The following KCNG3 variants were observed in gnomAD, a reference collection of about 807,000 sequenced individuals.
KCNG3 encodes voltage-gated potassium channel regulatory subunit KCNG3.
KCNG3 carries 15 observed loss-of-function variants against 29.0 expected under a neutral mutation model. The observed-to-expected ratio is 0.52, with a 90% CI of 0.35 to 0.80. KCNG3 has a LOEUF of 0.80. Among genes scored for constraint, KCNG3 ranks in the 30% least tolerant of loss-of-function variants. The pLI, the probability that KCNG3 is intolerant of heterozygous loss-of-function variation, is 0.01. For missense variants in KCNG3, 512 were observed against 605.7 expected (o/e 0.85, Z 1.62); for synonymous variants, 322 against 248.9 (o/e 1.29, Z -2.76).
the KCNG3 span, among the ~76,000 whole-genome samples, chr2:42,429,069 A>C: frequency 1.3e-5 from 2 of 152,252 alleles, no homozygotes; most frequent in South Asian, 4.2e-4. Context: ...CGGTGAGCCA[A>C]GATCATGCCA....
chr2:42,492,780 C>G, intron 1 of KCNG3, 57 bp downstream of exon 1: 1 of 1,371,688 alleles, frequency 7.3e-7, no homozygotes. Flanking sequence ...GACGTATGGA[C>G]GGGACGGACA....
chr2:42,485,822 G>A (rs1282607121), intron 1 of KCNG3, among the ~76,000 whole-genome samples: 1 of 152,146 alleles, frequency 6.6e-6, no homozygotes, highest in Non-Finnish European at 1.5e-5. Context: ...CCTTGGAAGT[G>A]TCAGAATAAT....
In KCNG3 at chr2:42,493,432, G is replaced by A; in HGVS notation, c.70C>T (p.Arg24Trp). The A allele has an allele frequency of 2.7e-6, 4 of 1,481,782 alleles. No individual in the cohort carries two copies. The highest frequency in any genetic ancestry group is 3.6e-6 in the Non-Finnish European group (4 of 1,121,526). 91.8% of individuals were successfully genotyped at this position (1,481,782 alleles called of 1,614,324 possible). ...AGCGGGAAGTCCTTCAGCAGCTCCCGGGACAGCGAATACCGGGCGCCGCCC... is the reference window on the plus strand; with the variant it reads ...AGCGGGAAGTCCTTCAGCAGCTCCCAGGACAGCGAATACCGGGCGCCGCCC... ...NVGGARYSLS[R>W]ELLKDFPLRR... Residue 24 changes from arginine (R) to tryptophan (W), a missense_variant, in exon 1 of 2, where the codon CGG (arginine) becomes TGG (tryptophan). Arg to Trp is a moderately radical substitution (Grantham distance 101). This residue lies in a region of KCNG3 where 91 missense variants were observed against 91.1 expected (regional missense o/e 1.00). Coordinates refer to ENST00000306078, the MANE Select transcript of KCNG3 (RefSeq NM_133329.6).
the KCNG3 span, among the ~76,000 whole-genome samples, chr2:42,395,596 C>T: frequency 3.7e-4 from 56 of 152,110 alleles, no homozygotes; most frequent in Non-Finnish European, 7.2e-4. Flanking sequence ...AGCACTGGTG[C>T]TCCTTGACTT....
the KCNG3 span, among the ~76,000 whole-genome samples, chr2:42,404,456 G>A: frequency 3.9e-5 from 6 of 152,258 alleles, no homozygotes; most frequent in African/African-American, 9.6e-5. Flanking sequence ...AGCCAGGCGC[G>A]ATGGCTCACA....
At chr2:42,417,646 G>A in the KCNG3 span, among the ~76,000 whole-genome samples, 1 of 152,090 alleles carries the variant, frequency 6.6e-6, no homozygotes, top group South Asian at 2.1e-4. Context: ...AAAATTACGT[G>A]CTCATTGTTT....
chr2:42,493,076 G>A lies in KCNG3; in HGVS notation c.426C>T (p.Pro142=). The A allele has an allele frequency of 6.4e-7, 1 of 1,550,444 alleles. No individual in the cohort carries two copies. The highest frequency in any genetic ancestry group is 1.9e-5 in the Admixed American group (1 of 51,736). The change falls in exon 1 of 2, where the codon CCC becomes CCT. Residue 142 remains proline (P), a synonymous_variant. Transcript: ENST00000306078. ...TGGAGGGAGCCGCCTCGGCCCCGCC[G>A]GGGCGCGCCTCGTCGCGGCCCAGCA... ...PGVLGRDEAR[P]GGAEAAPSRR...
chr2:42,453,139 G>A (rs1672803382), intron 1 of KCNG3, among the ~76,000 whole-genome samples: 2 of 152,150 alleles, frequency 1.3e-5, no homozygotes, highest in Admixed American at 1.3e-4. Flanking sequence ...CATGAATAGT[G>A]CTGTAACAAA....
chr2:42,419,047 G>C, the KCNG3 span, among the ~76,000 whole-genome samples: 5 of 151,746 alleles, frequency 3.3e-5, no homozygotes, highest in African/African-American at 9.7e-5. Flanking sequence ...CTCAAATTCA[G>C]CCTCATTTCA....
the KCNG3 span, among the ~76,000 whole-genome samples, chr2:42,425,925 A>C: frequency 1.3e-5 from 2 of 152,194 alleles, no homozygotes; most frequent in Admixed American, 6.5e-5. Flanking sequence ...ACTGTACACA[A>C]ATTGCTGAAG....
downstream of KCNG3, among the ~76,000 whole-genome samples, chr2:42,441,149 G>C (rs1672471900): frequency 6.6e-6 from 1 of 152,184 alleles, no homozygotes; most frequent in African/African-American, 2.4e-5. Flanking sequence ...GAGAGGCTGA[G>C]GTGGGAGGAC....
chr2:42,455,056 TTAC>T (rs1409537941), intron 1 of KCNG3, among the ~76,000 whole-genome samples: 3 of 152,256 alleles, frequency 2.0e-5, no homozygotes, highest in Non-Finnish European at 2.9e-5. Flanking sequence ...TATGTATATT[TTAC>T]TACAATTTTA....
chr2:42,415,057 C>G, the KCNG3 span, among the ~76,000 whole-genome samples: 1 of 152,142 alleles, frequency 6.6e-6, no homozygotes, highest in South Asian at 2.1e-4. Flanking sequence ...AGGGCTGAAC[C>G]TCCTCAAACA....
chr2:42,476,911 C>T (rs569805929), intron 1 of KCNG3, among the ~76,000 whole-genome samples: 5 of 150,608 alleles, frequency 3.3e-5, no homozygotes, highest in Non-Finnish European at 7.4e-5. Flanking sequence ...TAAGGCCGGG[C>T]GTGGTGGCTC....
At chr2:42,456,935 G>A (rs184447901) in intron 1 of KCNG3, among the ~76,000 whole-genome samples, 1 of 151,952 alleles carries the variant, frequency 6.6e-6, no homozygotes, top group East Asian at 1.9e-4. Context: ...GAAAAAAGTA[G>A]GGTTTTTTTG....
chr2:42,414,544 CTTTCT>C, the KCNG3 span, among the ~76,000 whole-genome samples: 40 of 150,792 alleles, frequency 2.7e-4, no homozygotes, highest in East Asian at 4.1e-3. Flanking sequence ...TCTAAATGTA[CTTTCT>C]TTTCTTTTTT....
At chr2:42,458,320 A>C (rs948720496) in intron 1 of KCNG3, among the ~76,000 whole-genome samples, 7 of 152,156 alleles carry the variant, frequency 4.6e-5, no homozygotes, top group African/African-American at 1.7e-4. Context: ...TTCCCTTAGC[A>C]GACAGGAACA....
chr2:42,491,590 T>TAAGAAA lies in KCNG3; in HGVS notation c.665+1246_665+1247insTTTCTT, dbSNP rs1673877904. The stretch of plus-strand genomic sequence containing the variant: ...AAATAAGTAACTCTTATCTGTAAAT[T>TAAGAAA]CAAAACTGTTAGAACCTAATTCACT... On this transcript the variant is annotated intron_variant, in intron 1 of 1. Transcript: ENST00000306078. 2.6e-5 allele frequency among the ~76,000 whole-genome samples: 4 copies of TAAGAAA among 152,328 alleles called. No individual in the cohort carries two copies. The South Asian group carries it at 8.3e-4, about 32-fold the overall frequency.
chr2:42,461,423 G>C (rs1572849833), intron 1 of KCNG3, among the ~76,000 whole-genome samples: 1 of 152,184 alleles, frequency 6.6e-6, no homozygotes, highest in East Asian at 1.9e-4. Context: ...CCAGAAATCA[G>C]GGTGCACTTC....
Sources: gnomAD v4.1 joint callset for allele counts (sites outside exome capture counted in the v4.1 genomes callset) on GRCh38, gnomAD v4.1.1 for gene constraint, gnomAD v4.1.1 regional missense constraint, MANE v1.5 for transcripts, NCBI Gene and HGNC (gene_info 2026-07-23, HGNC 2026-07-21) for gene names.